CADPS: variants seen among roughly 807,000 people sequenced by gnomAD.
CADPS encodes calcium-dependent secretion activator 1.
CADPS carries 57 observed loss-of-function variants against 167.3 expected under a neutral mutation model. The ratio of observed to expected loss-of-function variants is 0.34; its 90% CI spans 0.28 to 0.42. The LOEUF (loss-of-function observed/expected upper bound fraction) is 0.42, where lower values mean the gene tolerates loss of function less well. Among genes scored for constraint, CADPS ranks in the 20% least tolerant of loss-of-function variants. The pLI is 1.00. For missense variants in CADPS, 1,414 were observed against 1,738.1 expected (o/e 0.81, Z 3.32); for synonymous variants, 676 against 635.3 (o/e 1.06, Z -0.96).
At chr3:62,716,106 C>T (rs2084534280) in intron 3 of CADPS, among the ~76,000 whole-genome samples, 1 of 151,916 alleles carries the variant, frequency 6.6e-6, no homozygotes, top group Admixed American at 6.6e-5. Flanking sequence ...GTCGTCCAGG[C>T]TGGAATGTAG....
intron 6 of CADPS, 53 bp downstream of exon 6, chr3:62,645,669 G>A: frequency 6.2e-7 from 1 of 1,600,568 alleles, no homozygotes; most frequent in South Asian, 1.1e-5. Context: ...GGCCAAAATG[G>A]AACTAATGGC....
Position 62,455,676 on chromosome 3 carries a change from T to C in CADPS, c.3636+9691A>G, listed in dbSNP as rs974189179. Among the ~76,000 whole-genome samples the C allele has an allele frequency of 6.6e-6, 1 of 152,242 alleles. No individual in the cohort carries two copies. The highest frequency in any genetic ancestry group is 1.5e-5 in the Non-Finnish European group (1 of 68,046). ...TTAAGTGGGGGCCCCTGCCCCCTTC[T>C]GGCATTTTTGTGTTTTGTTTGCCTT... On this transcript the variant is annotated intron_variant, in intron 26 of 29. Transcript: ENST00000383710. This position sits in a 1 kb window ranked among gnomAD's most constrained non-coding sequence, Gnocchi z 4.4.
intron 1 of CADPS, among the ~76,000 whole-genome samples, chr3:62,863,321 C>T (rs188666085): frequency 1.1e-3 from 167 of 152,170 alleles, no homozygotes; most frequent in South Asian, 3.7e-3. Context: ...CTCTTGGTTT[C>T]CTCTTCTGTA....
chr3:62,712,062 C>T (rs1221715081), intron 3 of CADPS, among the ~76,000 whole-genome samples: 1 of 152,134 alleles, frequency 6.6e-6, no homozygotes, highest in African/African-American at 2.4e-5. Context: ...TCTTTAATGA[C>T]TACACAAAAT....
intron 8 of CADPS, among the ~76,000 whole-genome samples, chr3:62,576,042 G>A (rs972494240): frequency 6.6e-6 from 1 of 152,196 alleles, no homozygotes; most frequent in Admixed American, 6.5e-5. Flanking sequence ...AGGATACACA[G>A]TACCTGGAGC....
At chr3:62,873,222 T>C (rs1167250022) in intron 1 of CADPS, among the ~76,000 whole-genome samples, 1 of 152,220 alleles carries the variant, frequency 6.6e-6, no homozygotes, top group Non-Finnish European at 1.5e-5. Flanking sequence ...GGGTGGTGTG[T>C]GTACACATGT....
chr3:62,863,918 T>G (rs900534833), intron 1 of CADPS, among the ~76,000 whole-genome samples: 1 of 152,052 alleles, frequency 6.6e-6, no homozygotes, highest in African/African-American at 2.4e-5. Flanking sequence ...AGAAGAAAAA[T>G]TGTATCATTG....
At chr3:62,448,793 T>A (rs2057611419) in intron 26 of CADPS, among the ~76,000 whole-genome samples, 2 of 152,030 alleles carry the variant, frequency 1.3e-5, no homozygotes, top group African/African-American at 4.8e-5. Flanking sequence ...TTTGTATTTT[T>A]AGTAGAGATG....
At chr3:62,429,774 T>C (rs2053560170) in intron 28 of CADPS, among the ~76,000 whole-genome samples, 1 of 152,142 alleles carries the variant, frequency 6.6e-6, no homozygotes, top group African/African-American at 2.4e-5. Flanking sequence ...AAGAATACTG[T>C]GACCTTAACG....
intron 29 of CADPS, among the ~76,000 whole-genome samples, chr3:62,402,449 C>T (rs1450605542): frequency 6.6e-6 from 1 of 152,104 alleles, no homozygotes; most frequent in Non-Finnish European, 1.5e-5. Context: ...CTTCTGTGAT[C>T]TTATTATTTC....
intron 9 of CADPS, among the ~76,000 whole-genome samples, chr3:62,561,927 A>C (rs2079235641): frequency 6.6e-6 from 1 of 152,240 alleles, no homozygotes; most frequent in African/African-American, 2.4e-5. Flanking sequence ...TAATAGATAC[A>C]TTCATTCTTT....
intron 24 of CADPS, chr3:62,473,561 G>A (rs2060884503): frequency 6.6e-6 from 1 of 152,156 alleles, no homozygotes; most frequent in African/African-American, 2.4e-5. Flanking sequence ...AGCCCAAGTT[G>A]CTGTTTCCTT....
intron 8 of CADPS, among the ~76,000 whole-genome samples, chr3:62,580,585 T>TAAA (rs149549303): frequency 4.8e-5 from 6 of 124,984 alleles, no homozygotes; most frequent in South Asian, 2.6e-4. Context: ...TAAAGTATAA[T>TAAA]AAAAAAAAAT....
chr3:62,790,300 ATTT>A (rs1407532067), intron 1 of CADPS, among the ~76,000 whole-genome samples: 1 of 152,118 alleles, frequency 6.6e-6, no homozygotes, highest in African/African-American at 2.4e-5. Flanking sequence ...CATTTTATGC[ATTT>A]TTATTTGTTT....
intron 3 of CADPS, among the ~76,000 whole-genome samples, chr3:62,674,287 T>G (rs2076012385): frequency 6.6e-6 from 1 of 152,230 alleles, no homozygotes; most frequent in African/African-American, 2.4e-5. Flanking sequence ...AACTGTCACA[T>G]GCACCACTGT....
At chr3:62,701,101 C>T (rs985784231) in intron 3 of CADPS, among the ~76,000 whole-genome samples, 6 of 152,078 alleles carry the variant, frequency 3.9e-5, no homozygotes, top group Non-Finnish European at 5.9e-5. Context: ...CTCCCAAAGG[C>T]CCCACCTCAT....
chr3:62,757,887 G>A (rs536800305), intron 2 of CADPS, among the ~76,000 whole-genome samples: 25 of 152,254 alleles, frequency 1.6e-4, no homozygotes, highest in African/African-American at 5.8e-4. Flanking sequence ...ATGGGAACTC[G>A]CCTTTATAAA....
At chr3:62,729,031 C>T (rs1435358597) in intron 3 of CADPS, among the ~76,000 whole-genome samples, 2 of 151,876 alleles carry the variant, frequency 1.3e-5, no homozygotes, top group Non-Finnish European at 1.5e-5. Flanking sequence ...TATACTAATA[C>T]CTGGCATAAA....
intron 26 of CADPS, among the ~76,000 whole-genome samples, chr3:62,464,914 T>C (rs896561296): frequency 6.6e-6 from 1 of 152,164 alleles, no homozygotes; most frequent in Non-Finnish European, 1.5e-5. Context: ...GATTTTTAAA[T>C]GTAGGCAATT....
Sources: gnomAD v4.1 joint callset for allele counts (sites outside exome capture counted in the v4.1 genomes callset) on GRCh38, gnomAD v4.1.1 for gene constraint, Gnocchi (gnomAD v3.1) non-coding constraint, MANE v1.5 for transcripts, NCBI Gene and HGNC (gene_info 2026-07-23, HGNC 2026-07-21) for gene names.